Variants in UBA2 observed in about 807,000 individuals in gnomAD.
UBA2 encodes the protein SUMO-activating enzyme subunit 2.
In UBA2, 11 loss-of-function variants were observed where a neutral mutation model predicts 77.2. The ratio of observed to expected loss-of-function variants is 0.14; its 90% CI spans 0.09 to 0.24. UBA2 has a LOEUF of 0.24. Ranked by LOEUF, UBA2 falls within the 10% of genes least tolerant of loss-of-function variation. UBA2 has a pLI of 1.00. For synonymous variants in UBA2, 278 were observed against 276.7 expected (o/e 1.00, Z -0.05); for missense variants, 487 against 781.7 (o/e 0.62, Z 4.50).
chr19:34,429,387 T>C (rs907122933), intron 1 of UBA2, among the ~76,000 whole-genome samples: 6 of 152,218 alleles, frequency 3.9e-5, no homozygotes, highest in African/African-American at 1.4e-4. Context: ...TCTTAAGGGC[T>C]AGTGGAAACA....
In UBA2 at chr19:34,466,922, C is replaced by T. The variant is rs2075694242; in HGVS notation, c.1649C>T (p.Ala550Val). 1.9e-6 allele frequency: 3 copies of T among 1,613,636 alleles called. No individual in the cohort carries two copies. The highest frequency in any genetic ancestry group is 2.5e-6 in the Non-Finnish European group (3 of 1,179,968). The change falls in exon 16 of 17, where the codon GCC (alanine) becomes GTC (valine). Residue 550 changes from alanine (A) to valine (V), a missense_variant. Physicochemically the swap from Ala to Val is moderately conservative, Grantham distance 64. Around this residue, in one of 9 missense-constraint regions of UBA2, gnomAD observed 300 missense variants for 454.3 expected, o/e 0.66. Transcript: ENST00000246548. Reference protein sequence around the residue: ...KDVEFEVVGDAPEKVGPKQAE... With the variant: ...KDVEFEVVGDVPEKVGPKQAE... ...GTTGAATTTGAAGTTGTTGGTGATG[C>T]CCCGGAAAAAGTGGGGCCCAAACAA...
intron 12 of UBA2, among the ~76,000 whole-genome samples, chr19:34,457,175 A>ATAT (rs1226463566): frequency 3.8e-5 from 3 of 78,006 alleles, no homozygotes; most frequent in East Asian, 6.0e-4. Flanking sequence ...CTAAAAAAAA[A>ATAT]AAAAATATAT....
Position 34,433,562 on chromosome 19 carries a change from C to T in UBA2, c.358+150C>T, listed in dbSNP as rs1001484179. ...GAGTTTAAAGCATGCCCATTGATTG[C>T]AGTTTTATATAGAAATGACTTATTC... On this transcript the variant is annotated intron_variant, in intron 4 of 16. Transcript: ENST00000246548. The T allele has an allele frequency of 3.2e-5, 20 of 625,658 alleles. No homozygotes were observed. In the Admixed American group the frequency reaches 6.0e-4, roughly 19 times the overall value. 38.8% of individuals were successfully genotyped at this position (625,658 alleles called of 1,614,324 possible).
chr19:34,432,632 A>C (rs971788695), intron 3 of UBA2, among the ~76,000 whole-genome samples: 2 of 152,098 alleles, frequency 1.3e-5, no homozygotes, highest in African/African-American at 4.8e-5. Context: ...ATCTTGGCTC[A>C]CTGCAACCTC....
At chr19:34,465,715 T>G (rs77906346) in intron 15 of UBA2, among the ~76,000 whole-genome samples, 25 of 150,900 alleles carry the variant, frequency 1.7e-4, no homozygotes, top group Admixed American at 4.6e-4. Context: ...GATAATGGAG[T>G]CAAAGTGGTC....
At chr19:34,445,668 C>G (rs1306465208) in intron 8 of UBA2, among the ~76,000 whole-genome samples, 1 of 152,022 alleles carries the variant, frequency 6.6e-6, no homozygotes, top group Non-Finnish European at 1.5e-5. Flanking sequence ...GAACTCCTGA[C>G]TGCAAGTGAT....
chr19:34,462,627 T>C (rs553356971), intron 14 of UBA2, among the ~76,000 whole-genome samples: 20 of 151,720 alleles, frequency 1.3e-4, no homozygotes, highest in African/African-American at 4.8e-4. Context: ...GAAAAAATGT[T>C]AAAAAGCCAA....
intron 7 of UBA2, 62 bp downstream of exon 7, chr19:34,443,973 T>TTTTGGTAGCTTAAA: frequency 8.0e-7 from 1 of 1,244,114 alleles, no homozygotes; most frequent in Non-Finnish European, 1.2e-6. Flanking sequence ...GTTGATTTAA[T>TTTTGGTAGCTTAAA]TTTGGTAGCT....
At position 34,469,028 on chromosome 19, in the gene UBA2, T is replaced by G. The variant is rs982605577; in HGVS notation, c.1742-12T>G. 12 of 1,586,432 alleles carry G rather than the reference T, an allele frequency of 7.6e-6. No homozygotes were observed. In the African/African-American group the frequency reaches 1.5e-4, roughly 20 times the overall value. Reference sequence around the variant, plus strand: ...TTTACCCATTTTCTTTTTCCCTTTTTTCTGAAATAAGCTCAAGAGCAAGAT... The same window carrying G: ...TTTACCCATTTTCTTTTTCCCTTTTGTCTGAAATAAGCTCAAGAGCAAGAT... On this transcript the variant is annotated splice_polypyrimidine_tract_variant and intron_variant, in intron 16 of 16. Coordinates refer to ENST00000246548, the MANE Select transcript of UBA2 (RefSeq NM_005499.3).
intron 8 of UBA2, among the ~76,000 whole-genome samples, chr19:34,446,871 G>T (rs1437309717): frequency 2.6e-5 from 4 of 152,144 alleles, no homozygotes; most frequent in African/African-American, 9.7e-5. Flanking sequence ...CTCCCAAAGT[G>T]CTGGGATTAC....
At chr19:34,451,175 A>C (rs1227892268) in intron 9 of UBA2, among the ~76,000 whole-genome samples, 1 of 152,014 alleles carries the variant, frequency 6.6e-6, no homozygotes, top group Admixed American at 6.6e-5. Context: ...TTAAAATTTT[A>C]AATGTAGGAA....
chr19:34,462,648 G>T (rs925434715), intron 14 of UBA2, among the ~76,000 whole-genome samples: 2 of 152,068 alleles, frequency 1.3e-5, no homozygotes, highest in Non-Finnish European at 2.9e-5. Context: ...AAAAAAAGTG[G>T]GGGGAGACTG....
At chr19:34,442,963 C>T (rs946423424) in intron 6 of UBA2, among the ~76,000 whole-genome samples, 1 of 152,094 alleles carries the variant, frequency 6.6e-6, no homozygotes, top group South Asian at 2.1e-4. Flanking sequence ...TAATCATATA[C>T]TTGAGGAAAT....
At chr19:34,452,854 C>A (rs1296876741) in intron 10 of UBA2, among the ~76,000 whole-genome samples, 1 of 152,198 alleles carries the variant, frequency 6.6e-6, no homozygotes, top group Non-Finnish European at 1.5e-5. Flanking sequence ...AATCAGACAT[C>A]TAAATACACT....
intron 6 of UBA2, among the ~76,000 whole-genome samples, chr19:34,441,807 C>G (rs1157412889): frequency 6.6e-6 from 1 of 151,316 alleles, no homozygotes; most frequent in Non-Finnish European, 1.5e-5. Flanking sequence ...TGTAGTCCCA[C>G]CTACTCGGGA....
At chr19:34,438,333 T>A (rs796935522) in intron 5 of UBA2, among the ~76,000 whole-genome samples, 2 of 152,224 alleles carry the variant, frequency 1.3e-5, no homozygotes, top group Non-Finnish European at 2.9e-5. Flanking sequence ...TCCAGTAGTT[T>A]TTCTGTTTAG....
intron 6 of UBA2, among the ~76,000 whole-genome samples, chr19:34,440,772 C>A (rs550486496): frequency 6.6e-6 from 1 of 151,788 alleles, no homozygotes; most frequent in East Asian, 1.9e-4. Context: ...ATTAAAAATA[C>A]AAAATTAGCC....
chr19:34,457,221 G>C (rs1202034813), intron 12 of UBA2, among the ~76,000 whole-genome samples: 2 of 92,654 alleles, frequency 2.2e-5, no homozygotes, highest in African/African-American at 1.0e-4. Context: ...TATAAAATTA[G>C]CTGGGCATGG....
intron 6 of UBA2, among the ~76,000 whole-genome samples, chr19:34,441,532 G>A (rs1398386808): frequency 6.6e-6 from 1 of 152,082 alleles, no homozygotes; most frequent in African/African-American, 2.4e-5. Flanking sequence ...TTCTCAACCC[G>A]ATAAAGGGTA....
Sources: gnomAD v4.1 joint callset for allele counts (sites outside exome capture counted in the v4.1 genomes callset) on GRCh38, gnomAD v4.1.1 for gene constraint, gnomAD v4.1.1 regional missense constraint, MANE v1.5 for transcripts, NCBI Gene and HGNC (gene_info 2026-07-23, HGNC 2026-07-21) for gene names.